The following ADAMTS6 variants were observed in gnomAD, a reference collection of about 807,000 sequenced individuals.
ADAMTS6 encodes A disintegrin and metalloproteinase with thrombospondin motifs 6.
Under a neutral mutation model 144.3 loss-of-function variants are expected in ADAMTS6, and 23 were observed. The ratio of observed to expected loss-of-function variants is 0.16; its 90% CI spans 0.11 to 0.23. The LOEUF (loss-of-function observed/expected upper bound fraction) is 0.23, where lower values mean the gene tolerates loss of function less well. Ranked by LOEUF, ADAMTS6 falls within the 10% of genes least tolerant of loss-of-function variation. The probability of loss-of-function intolerance (pLI) is 1.00; values close to 1 mark genes in which losing one functional copy is unlikely to be tolerated. For missense variants in ADAMTS6, 999 were observed against 1,379.6 expected, an observed-to-expected ratio of 0.72 and a Z score of 4.37; for synonymous variants, 444 against 457.5, an observed-to-expected ratio of 0.97 and a Z score of 0.38.
intron 21 of ADAMTS6, 127 bp downstream of exon 21, chr5:65,196,895 A>T: frequency 8.5e-7 from 1 of 1,170,668 alleles, no homozygotes; most frequent in Non-Finnish European, 1.2e-6. Context: ...CCTCCCTCTC[A>T]GGATGTTTTC....
intron 17 of ADAMTS6, among the ~76,000 whole-genome samples, 199 bp downstream of exon 17, chr5:65,224,720 GAAGTT>G (rs1757593161): frequency 6.6e-6 from 1 of 152,174 alleles, no homozygotes; most frequent in Admixed American, 6.5e-5. Context: ...ATGGCTAAAT[GAAGTT>G]AAGTAGAGAG....
intron 7 of ADAMTS6, among the ~76,000 whole-genome samples, chr5:65,446,766 A>C (rs34319998): frequency 1.3e-5 from 2 of 152,176 alleles, no homozygotes; most frequent in Non-Finnish European, 2.9e-5. Context: ...ATCTATATAG[A>C]CAGAAAGTAG....
chr5:65,300,246 A>G, intron 9 of ADAMTS6, 115 bp from the exon 10 acceptor site: 1 of 889,950 alleles, frequency 1.1e-6, no homozygotes, highest in Non-Finnish European at 1.7e-6. Flanking sequence ...TTCCATCAGG[A>G]TAGGCCAGAT....
rs1579893229 is a variant in ADAMTS6 at position 65,151,195 on chromosome 5, T to C, written c.*641A>G. On this transcript the variant is annotated 3_prime_UTR_variant, in exon 25 of 25. Transcript: ENST00000381055. ...TATTGTTCAGTTTAATATAGTTTTA[T>C]ATATGGCTCACAGCAGTGTTCAGAA... is the stretch of plus-strand genomic sequence containing the variant. 1 of 152,682 alleles carries C rather than the reference T, an allele frequency of 6.5e-6. No individual in the cohort carries two copies. Among genetic ancestry groups the C allele is most frequent in the East Asian group, 1.9e-4 (1 of 5,200 alleles). 9.5% of individuals were successfully genotyped at this position (152,682 alleles called of 1,614,324 possible). A position where few individuals can be genotyped will look rare whatever the true frequency, so the allele number is the denominator to read the frequency against.
chr5:65,408,093 A>C (rs1754723406), intron 7 of ADAMTS6, among the ~76,000 whole-genome samples: 2 of 152,304 alleles, frequency 1.3e-5, no homozygotes, highest in Middle Eastern at 3.4e-3. Flanking sequence ...ACATAAACTA[A>C]TGGGCAAAAT....
At chr5:65,174,685 T>C (rs1753858472) in intron 22 of ADAMTS6, among the ~76,000 whole-genome samples, 1 of 152,192 alleles carries the variant, frequency 6.6e-6, no homozygotes, top group Non-Finnish European at 1.5e-5. Context: ...TGCTTGATAC[T>C]TTGGTTTTGT....
At chr5:65,170,024 C>T (rs537054680) in intron 24 of ADAMTS6, among the ~76,000 whole-genome samples, 124 of 152,162 alleles carry the variant, frequency 8.1e-4, no homozygotes, top group African/African-American at 2.8e-3. Flanking sequence ...TACCCTAAAA[C>T]TTAAAGTATA....
intron 20 of ADAMTS6, among the ~76,000 whole-genome samples, chr5:65,211,324 G>A (rs1756517752): frequency 6.6e-6 from 1 of 152,196 alleles, no homozygotes; most frequent in Non-Finnish European, 1.5e-5. Flanking sequence ...CAAGATGGCT[G>A]GGTGCAGTGG....
chr5:65,435,889 G>A (rs1257840642), intron 7 of ADAMTS6, among the ~76,000 whole-genome samples: 1 of 152,016 alleles, frequency 6.6e-6, no homozygotes, highest in East Asian at 1.9e-4. Context: ...GCCTTCCAAA[G>A]TGCTGGGATT....
chr5:65,406,949 GA>G (rs1754568824), intron 7 of ADAMTS6, among the ~76,000 whole-genome samples: 1 of 152,088 alleles, frequency 6.6e-6, no homozygotes, highest in African/African-American at 2.4e-5. Flanking sequence ...AGAGTAAAAA[GA>G]AACAGACAAA....
chr5:65,336,125 G>A (rs1747283379), intron 7 of ADAMTS6, among the ~76,000 whole-genome samples: 1 of 152,054 alleles, frequency 6.6e-6, no homozygotes, highest in East Asian at 1.9e-4. Context: ...TTGTATAGTA[G>A]AGAAGGATTT....
chr5:65,464,147 G>C (rs1030199260), intron 3 of ADAMTS6, among the ~76,000 whole-genome samples: 4 of 152,182 alleles, frequency 2.6e-5, no homozygotes, highest in African/African-American at 9.7e-5. Context: ...TTACATCACA[G>C]GTTCTTAAAA....
At chr5:65,401,852 T>C (rs977067316) in intron 7 of ADAMTS6, among the ~76,000 whole-genome samples, 4 of 152,184 alleles carry the variant, frequency 2.6e-5, no homozygotes, top group African/African-American at 9.7e-5. Context: ...CTGTAGAAAC[T>C]GAAATTCTTT....
chr5:65,417,073 C>T (rs188801628), intron 7 of ADAMTS6, among the ~76,000 whole-genome samples: 1 of 152,244 alleles, frequency 6.6e-6, no homozygotes, highest in African/African-American at 2.4e-5. Context: ...GTTGGTTCAA[C>T]ATACACAAAT....
chr5:65,343,391 G>A (rs990251170), intron 7 of ADAMTS6, among the ~76,000 whole-genome samples: 7 of 151,860 alleles, frequency 4.6e-5, no homozygotes, highest in South Asian at 2.1e-4. Context: ...ATTAATCCAC[G>A]TATATACGGC....
At chr5:65,241,118 T>C (rs1759140866) in intron 15 of ADAMTS6, among the ~76,000 whole-genome samples, 1 of 152,062 alleles carries the variant, frequency 6.6e-6, no homozygotes, top group Non-Finnish European at 1.5e-5. Context: ...TAGTAAAACG[T>C]TAATGGTAGA....
At chr5:65,350,451 G>T (rs1267675627) in intron 7 of ADAMTS6, among the ~76,000 whole-genome samples, 1 of 151,520 alleles carries the variant, frequency 6.6e-6, no homozygotes, top group Non-Finnish European at 1.5e-5. Context: ...ACTTTTCCAC[G>T]TCCTTCTTTA....
intron 14 of ADAMTS6, among the ~76,000 whole-genome samples, chr5:65,254,916 A>G (rs1224464656): frequency 6.6e-6 from 1 of 152,234 alleles, no homozygotes; most frequent in Non-Finnish European, 1.5e-5. Flanking sequence ...ATATGATTAC[A>G]ATAATATGTT....
intron 21 of ADAMTS6, among the ~76,000 whole-genome samples, chr5:65,195,056 C>A (rs1386717336): frequency 6.6e-6 from 1 of 152,130 alleles, no homozygotes; most frequent in African/African-American, 2.4e-5. Flanking sequence ...CACTCAGATG[C>A]CTTCACAGGC....
Sources: allele counts gnomAD v4.1 joint callset (sites outside exome capture counted in the v4.1 genomes callset), GRCh38; gene constraint gnomAD v4.1.1; transcripts MANE v1.5; gene names NCBI Gene and HGNC (gene_info 2026-07-23, HGNC 2026-07-21).